Variants in HOMER1 observed in about 807,000 individuals in gnomAD.
HOMER1 encodes homer protein homolog 1.
A neutral mutation model predicts 48.9 loss-of-function variants in HOMER1; 3 were observed. The observed-to-expected ratio is 0.06, with a 90% CI of 0.03 to 0.16. The LOEUF (loss-of-function observed/expected upper bound fraction) is 0.16. Ranked by LOEUF, HOMER1 falls within the 10% of genes least tolerant of loss-of-function variation. The probability of loss-of-function intolerance (pLI) is 1.00; values close to 1 mark genes in which losing one functional copy is unlikely to be tolerated. For missense variants in HOMER1, 247 were observed against 411.4 expected (o/e 0.60, Z 3.46); for synonymous variants, 134 against 146.4 (o/e 0.92, Z 0.61).
chr5:79,405,519 CTCAA>C (rs1253092042), intron 5 of HOMER1, among the ~76,000 whole-genome samples: 8 of 152,192 alleles, frequency 5.3e-5, no homozygotes, highest in Admixed American at 1.3e-4. Flanking sequence ...AGCTCTTCTT[CTCAA>C]TCAGATTCTC....
chr5:79,379,261 A>C (rs1459191754), intron 8 of HOMER1, among the ~76,000 whole-genome samples: 10 of 101,228 alleles, frequency 9.9e-5, no homozygotes, highest in Non-Finnish European at 1.8e-4. Flanking sequence ...TCTATTATAT[A>C]TATTATATAT....
intron 1 of HOMER1, among the ~76,000 whole-genome samples, chr5:79,479,880 T>C (rs1751898847): frequency 2.0e-5 from 3 of 152,230 alleles, no homozygotes; most frequent in Non-Finnish European, 4.4e-5. Flanking sequence ...CATAAAATCT[T>C]AATAAAAGGA....
intron 8 of HOMER1, among the ~76,000 whole-genome samples, chr5:79,377,631 T>A (rs1192723689): frequency 6.6e-6 from 1 of 152,130 alleles, no homozygotes; most frequent in African/African-American, 2.4e-5. Flanking sequence ...TAAATGTTAA[T>A]CTCTAAAGGA....
At chr5:79,497,087 G>T (rs1580034488) in intron 1 of HOMER1, among the ~76,000 whole-genome samples, 1 of 136,214 alleles carries the variant, frequency 7.3e-6, no homozygotes, top group Admixed American at 7.4e-5. Context: ...AAAAAGGAAA[G>T]AAAGAAAGAA....
At chr5:79,378,936 C>T (rs1025170506) in intron 8 of HOMER1, among the ~76,000 whole-genome samples, 1 of 150,348 alleles carries the variant, frequency 6.7e-6, no homozygotes, top group Non-Finnish European at 1.5e-5. Context: ...CAAAAAGGAC[C>T]TAATACACTG....
rs1376349946 is a variant in HOMER1 at position 79,375,923 on chromosome 5, T to G, written c.*86A>C. On this transcript the variant is annotated 3_prime_UTR_variant, in exon 9 of 9. Coordinates refer to ENST00000334082, the MANE Select transcript of HOMER1 (RefSeq NM_004272.5). ...TATTCAATTTTTTTTTTTTTTTTTT[T>G]GTGCAATCTTGATGCAGAGCCTAAA... The G allele has an allele frequency of 5.0e-5, 29 of 577,672 alleles. No individual in the cohort carries two copies. The highest frequency in any genetic ancestry group is 7.8e-5 in the African/African-American group (4 of 51,064). The allele number at this position is 577,672 out of a possible 1,614,324, so 35.8% of individuals were successfully genotyped here.
intron 1 of HOMER1, among the ~76,000 whole-genome samples, chr5:79,488,617 G>C (rs188518288): frequency 2.0e-5 from 3 of 152,046 alleles, no homozygotes; most frequent in Non-Finnish European, 2.9e-5. Flanking sequence ...TTTCACCATG[G>C]ACCTTTTTCT....
chr5:79,439,325 G>A (rs906368205), intron 4 of HOMER1, among the ~76,000 whole-genome samples, 176 bp from the exon 5 acceptor site: 2 of 152,110 alleles, frequency 1.3e-5, no homozygotes, highest in African/African-American at 4.8e-5. Context: ...TTTATTCATG[G>A]CAAGCTAGGA....
chr5:79,450,877 G>A (rs1049272430), intron 3 of HOMER1, 113 bp downstream of exon 3: 8 of 1,052,306 alleles, frequency 7.6e-6, no homozygotes, highest in South Asian at 1.9e-5. Context: ...CTGCTGTTTC[G>A]AGAATATTAA....
intron 2 of HOMER1, among the ~76,000 whole-genome samples, chr5:79,454,322 C>T (rs1751106072): frequency 6.6e-6 from 1 of 152,074 alleles, no homozygotes; most frequent in African/African-American, 2.4e-5. Flanking sequence ...ACTCTCCTTT[C>T]TAATAAAGGA....
intron 4 of HOMER1, among the ~76,000 whole-genome samples, chr5:79,439,986 G>A (rs190395041): frequency 7.7e-4 from 117 of 152,218 alleles, no homozygotes; most frequent in African/African-American, 2.8e-3. Flanking sequence ...TAGGGGAGGT[G>A]CTAAAACCAG....
intron 1 of HOMER1, among the ~76,000 whole-genome samples, chr5:79,471,782 C>G (rs778608077): frequency 2.0e-5 from 3 of 152,172 alleles, no homozygotes; most frequent in African/African-American, 7.2e-5. Context: ...CCCTTGCCCT[C>G]TTTTGTTCCA....
At chr5:79,509,030 T>C (rs1752856036) in intron 1 of HOMER1, among the ~76,000 whole-genome samples, 1 of 152,252 alleles carries the variant, frequency 6.6e-6, no homozygotes, top group Admixed American at 6.5e-5. Flanking sequence ...AACCCATTTA[T>C]AGTGCTGGAT....
chr5:79,429,670 T>C (rs767427169), intron 5 of HOMER1, among the ~76,000 whole-genome samples: 4 of 152,154 alleles, frequency 2.6e-5, no homozygotes, highest in Non-Finnish European at 5.9e-5. Flanking sequence ...TAGGCAGTGA[T>C]TTCTTAGATA....
chr5:79,433,153 C>T (rs7733653), intron 5 of HOMER1, among the ~76,000 whole-genome samples: 96,406 of 152,140 alleles, frequency 0.63, 33,760 homozygotes, highest in East Asian at 0.99. Flanking sequence ...ATTTGCTTAC[C>T]ACCCATTAAA....
At chr5:79,387,002 TC>T (rs1297732411) in intron 8 of HOMER1, among the ~76,000 whole-genome samples, 1 of 69,996 alleles carries the variant, frequency 1.4e-5, no homozygotes, top group Admixed American at 2.1e-4. Flanking sequence ...AACCTCCCCC[TC>T]CCCCTTCCCC....
intron 1 of HOMER1, among the ~76,000 whole-genome samples, chr5:79,494,614 A>C (rs1314315780): frequency 6.6e-6 from 1 of 152,210 alleles, no homozygotes; most frequent in South Asian, 2.1e-4. Context: ...CATGCCTGTA[A>C]TCCCAACACT....
At position 79,426,219 on chromosome 5, in the gene HOMER1, T is replaced by C. The variant is rs114287110; in HGVS notation, c.527+12791A>G. Among the ~76,000 whole-genome samples the C allele has an allele frequency of 4.1e-3, 622 of 152,168 alleles. 6 individuals are homozygous for C. The highest frequency in any genetic ancestry group is 0.014 in the African/African-American group (586 of 41,550). Reference sequence around the variant, plus strand: ...CACTATGAAGAACTGTGGATGTTCCTTAAAAGACTAAAAATAGAACTACCA... The same window carrying C: ...CACTATGAAGAACTGTGGATGTTCCCTAAAAGACTAAAAATAGAACTACCA... On this transcript the variant is annotated intron_variant, in intron 5 of 8. Transcript: ENST00000334082.
At chr5:79,444,269 T>C (rs377252110) in intron 4 of HOMER1, among the ~76,000 whole-genome samples, 4 of 152,106 alleles carry the variant, frequency 2.6e-5, no homozygotes, top group Non-Finnish European at 4.4e-5. Flanking sequence ...AGTGACGTGA[T>C]TGTAGCTCAC....
Sources: allele counts gnomAD v4.1 joint callset (sites outside exome capture counted in the v4.1 genomes callset), GRCh38; gene constraint gnomAD v4.1.1; transcripts MANE v1.5; gene names NCBI Gene and HGNC (gene_info 2026-07-23, HGNC 2026-07-21).